The following TCF20 variants were observed in gnomAD, a reference collection of about 807,000 sequenced individuals.
The protein encoded by TCF20 is SPRE-binding protein.
TCF20 carries 3 observed loss-of-function variants against 148.6 expected under a neutral mutation model. The ratio of observed to expected loss-of-function variants is 0.02; its 90% confidence interval spans 0.01 to 0.05. The LOEUF (loss-of-function observed/expected upper bound fraction) is 0.05, where lower values mean the gene tolerates loss of function less well. Among genes scored for constraint, TCF20 ranks in the 10% least tolerant of loss-of-function variants. TCF20 has a pLI of 1.00. For synonymous variants in TCF20, 1,049 were observed against 909.5 expected, an observed-to-expected ratio of 1.15 and a Z score of -2.76; for missense variants, 2,350 against 2,429.3, an observed-to-expected ratio of 0.97 and a Z score of 0.69.
Position 42,213,920 on chromosome 22 carries a change from T to C in TCF20, c.1386A>G (p.Gln462=). The C allele has an allele frequency of 1.9e-6, 3 of 1,614,192 alleles. No individual in the cohort carries two copies. Among genetic ancestry groups the C allele is most frequent in the Admixed American group, 1.7e-5 (1 of 60,020 alleles). ...GLSSLSALST[Q]VANLPNTVQH... is the part of the protein sequence containing the mutation. Reference sequence around the variant, plus strand: ...GGACAGTGTTAGGAAGATTGGCCACTTGAGTACTCAGAGCACTCAAACTAC... The same window carrying C: ...GGACAGTGTTAGGAAGATTGGCCACCTGAGTACTCAGAGCACTCAAACTAC... The change falls in exon 2 of 6, where the codon CAA becomes CAG. Residue 462 remains glutamine (Q), a synonymous_variant. Coordinates refer to ENST00000677622, the MANE Select transcript of TCF20 (RefSeq NM_001378418.1).
At chr22:42,163,597 C>T (rs886427484) in intron 5 of TCF20, among the ~76,000 whole-genome samples, 1 of 152,210 alleles carries the variant, frequency 6.6e-6, no homozygotes, top group Admixed American at 6.5e-5. Context: ...CTCAGGAAGG[C>T]GACACATGTA....
intron 1 of TCF20, among the ~76,000 whole-genome samples, chr22:42,304,948 C>T (rs1927406436): frequency 6.6e-6 from 1 of 152,068 alleles, no homozygotes; most frequent in Non-Finnish European, 1.5e-5. Flanking sequence ...GGGCCCCGTA[C>T]TCTTGGGGGT....
chr22:42,272,497 C>CG (rs1286139079), upstream of TCF20, among the ~76,000 whole-genome samples: 2 of 152,132 alleles, frequency 1.3e-5, no homozygotes, highest in African/African-American at 4.8e-5. Flanking sequence ...ATGCAGGGCC[C>CG]GGGGGATGCT....
chr22:42,244,197 T>C (rs979157688), intron 1 of TCF20, among the ~76,000 whole-genome samples: 38 of 152,072 alleles, frequency 2.5e-4, no homozygotes, highest in Admixed American at 2.5e-3. Flanking sequence ...CATGGGAATA[T>C]AAAATATTCA....
rs886218758 is a variant in TCF20 at position 42,214,735 on chromosome 22, G to T, written c.571C>A (p.His191Asn). ...QQLRQQLYQS[H>N]QPLPQATGQP... ...CCAGTGGCCTGTGGCAGGGGCTGAT[G>T]GGACTGGTAAAGCTGTTGTCTCAAC... Residue 191 changes from histidine (H) to asparagine (N), a missense_variant, in exon 2 of 6, where the codon CAT becomes AAT. His to Asn is a moderately conservative substitution (Grantham distance 68). This residue lies in a region of TCF20 where 1,641 missense variants were observed against 1,662.6 expected (regional missense o/e 0.99). Transcript: ENST00000677622. 1 of 1,614,124 alleles carries T rather than the reference G, an allele frequency of 6.2e-7. No homozygotes were observed. The highest frequency in any genetic ancestry group is 8.5e-7 in the Non-Finnish European group (1 of 1,180,034).
At position 42,210,027 on chromosome 22, in the gene TCF20, G is replaced by A; in HGVS notation, c.5279C>T (p.Ser1760Phe). The A allele has an allele frequency of 4.3e-6, 7 of 1,612,762 alleles. No individual in the cohort carries two copies. The highest frequency in any genetic ancestry group is 1.1e-5 in the South Asian group (1 of 91,076). Residue 1760 changes from serine (S) to phenylalanine (F), a missense_variant, in exon 2 of 6, where the codon TCC becomes TTC. By Grantham distance (155) the Ser-to-Phe change is radical. Around this residue, in one of 7 missense-constraint regions of TCF20, gnomAD observed 374 missense variants for 398.3 expected, o/e 0.94. Transcript: ENST00000677622. The surrounding 1 kb of genome is among the most constrained non-coding windows in gnomAD (Gnocchi z 4.7). Reference protein sequence around the residue: ...KVRHKSASNGSKTDTEEEEEQ... With the variant: ...KVRHKSASNGFKTDTEEEEEQ... Reference sequence around the variant, plus strand: ...TTCCTCCTCCTCAGTGTCCGTCTTGGAGCCATTAGAAGCACTTTTGTGCCG... The same window carrying A: ...TTCCTCCTCCTCAGTGTCCGTCTTGAAGCCATTAGAAGCACTTTTGTGCCG...
chr22:42,243,139 G>C (rs1010906747), intron 1 of TCF20, among the ~76,000 whole-genome samples: 23 of 151,558 alleles, frequency 1.5e-4, no homozygotes, highest in African/African-American at 5.6e-4. Context: ...AAGACATTAT[G>C]CATTTGTCCA....
intron 1 of TCF20, among the ~76,000 whole-genome samples, chr22:42,333,696 T>C (rs939069807): frequency 8.5e-5 from 13 of 152,266 alleles, no homozygotes; most frequent in African/African-American, 3.1e-4. Flanking sequence ...GTATGCCTAC[T>C]GCTCCACGCA....
At chr22:42,315,335 T>C (rs1927609847) in intron 1 of TCF20, among the ~76,000 whole-genome samples, 1 of 152,136 alleles carries the variant, frequency 6.6e-6, no homozygotes, top group Non-Finnish European at 1.5e-5. Flanking sequence ...TCTGGGGTCC[T>C]CATGGCAGGT....
Position 42,317,769 on chromosome 22 carries a change from G to A in TCF20, c.-37+25710C>T, listed in dbSNP as rs567883348. Among the ~76,000 whole-genome samples the A allele has an allele frequency of 8.9e-4, 135 of 152,286 alleles. 1 individual carries two copies. The highest frequency in any genetic ancestry group is 2.7e-3 in the African/African-American group (114 of 41,556). ...AAGGGAGCCGAGGTGGGCACAGGGC[G>A]ATCCCTCCCTCACAACGCTACAGAG... On this transcript the variant is annotated intron_variant, in intron 1 of 1. Coordinates refer to the TCF20 transcript ENST00000515426. The surrounding 1 kb of genome is among the most constrained non-coding windows in gnomAD (Gnocchi z 4.2).
At chr22:42,240,406 C>A (rs1924291665) in intron 1 of TCF20, among the ~76,000 whole-genome samples, 1 of 152,154 alleles carries the variant, frequency 6.6e-6, no homozygotes, top group African/African-American at 2.4e-5. Context: ...CATATGGTCA[C>A]TTGTTTCAAG....
intron 1 of TCF20, among the ~76,000 whole-genome samples, chr22:42,256,232 A>G (rs528971354): frequency 6.6e-6 from 1 of 152,316 alleles, no homozygotes; most frequent in South Asian, 2.1e-4. Context: ...GATAAATGTT[A>G]ATTTTCCATA....
Position 42,210,989 on chromosome 22 carries a change from G to A in TCF20, c.4317C>T (p.Gly1439=), listed in dbSNP as rs1169621082. Reference sequence around the variant, plus strand: ...CTGTCTTCACTTTGTCATCCACGCTGCCACGCCACTCTTCTGAAGACCTTG... The same window carrying A: ...CTGTCTTCACTTTGTCATCCACGCTACCACGCCACTCTTCTGAAGACCTTG... ...PLPRSSEEWR[G]SVDDKVKTET... is the part of the protein sequence containing the mutation. Residue 1439 remains glycine, a synonymous_variant, in exon 2 of 6, where the codon GGC becomes GGT. Transcript: ENST00000677622. The surrounding 1 kb of genome is among the most constrained non-coding windows in gnomAD (Gnocchi z 4.7). 6 of 1,614,084 alleles carry A rather than the reference G, an allele frequency of 3.7e-6. No individual in the cohort carries two copies. In the East Asian group the frequency reaches 8.9e-5, roughly 24 times the overall value.
At chr22:42,308,094 C>T (rs890222706) in intron 1 of TCF20, among the ~76,000 whole-genome samples, 19 of 152,302 alleles carry the variant, frequency 1.2e-4, no homozygotes, top group East Asian at 3.9e-4. Context: ...GCCATTATCT[C>T]GTTTTATCGT....
chr22:42,277,368 C>A (rs1926802877), intron 1 of TCF20, among the ~76,000 whole-genome samples: 1 of 152,192 alleles, frequency 6.6e-6, no homozygotes, highest in East Asian at 1.9e-4. Flanking sequence ...CATAAATAAT[C>A]ATCTGATAAC....
At chr22:42,170,626 C>CAAAAAAAAAAAAAAAAAAAAAAA (rs58579686) in intron 3 of TCF20, among the ~76,000 whole-genome samples, 4 of 72,102 alleles carry the variant, frequency 5.5e-5, no homozygotes, top group Middle Eastern at 9.8e-3. Flanking sequence ...GACTCCGTCT[C>CAAAAAAAAAAAAAAAAAAAAAAA]AAAAAAAAAA....
chr22:42,203,476 G>A (rs1015044882), intron 2 of TCF20, among the ~76,000 whole-genome samples: 2 of 152,080 alleles, frequency 1.3e-5, no homozygotes, highest in Non-Finnish European at 2.9e-5. Flanking sequence ...GGTAATATAT[G>A]CAATAAAATT....
intron 4 of TCF20, 116 bp downstream of exon 4, chr22:42,169,731 A>G: frequency 9.6e-7 from 1 of 1,046,136 alleles, no homozygotes; most frequent in Non-Finnish European, 1.4e-6. Context: ...TAACAGCCGG[A>G]GGCACAGGTG....
At chr22:42,179,490 C>CAAAAAAAA (rs57857271) in intron 3 of TCF20, 119 bp downstream of exon 3, 58 of 373,214 alleles carry the variant, frequency 1.6e-4, no homozygotes, top group African/African-American at 6.6e-4. Context: ...TATGAAGTGA[C>CAAAAAAAA]AAAAAAAAAA....
Sources: allele counts gnomAD v4.1 joint callset (sites outside exome capture counted in the v4.1 genomes callset), GRCh38; gene constraint gnomAD v4.1.1; regional missense constraint gnomAD v4.1.1; non-coding constraint Gnocchi (gnomAD v3.1); transcripts MANE v1.5; gene names NCBI Gene and HGNC (gene_info 2026-07-23, HGNC 2026-07-21).